Variants in HSPG2 observed in about 807,000 individuals in gnomAD.
The protein encoded by HSPG2 is basement membrane-specific heparan sulfate proteoglycan core protein.
In HSPG2, 278 loss-of-function variants were observed where a neutral mutation model predicts 526.6. That is an observed-to-expected ratio of 0.53 (90% confidence interval 0.48 to 0.58). The LOEUF (loss-of-function observed/expected upper bound fraction) is 0.58, where lower values mean the gene tolerates loss of function less well. Among genes scored for constraint, HSPG2 ranks in the 20% least tolerant of loss-of-function variants. HSPG2 has a pLI of 0.00. For missense variants in HSPG2, 5,354 were observed against 6,099.5 expected (o/e 0.88, Z 4.07); for synonymous variants, 2,465 against 2,555.4 (o/e 0.96, Z 1.07).
At chr1:21,897,762 T>A (rs1288980108) in intron 1 of HSPG2, among the ~76,000 whole-genome samples, 1 of 151,584 alleles carries the variant, frequency 6.6e-6, no homozygotes, top group East Asian at 1.9e-4. Context: ...AGGCTGGGGG[T>A]GACTGGGAAG....
chr1:21,917,080 C>T (rs943210107), intron 1 of HSPG2, among the ~76,000 whole-genome samples: 7 of 152,214 alleles, frequency 4.6e-5, no homozygotes, highest in Non-Finnish European at 8.8e-5. Flanking sequence ...AGTTATCACA[C>T]GCTGACCAGA....
In HSPG2 at chr1:21,857,168, G is replaced by T. The variant is rs757423252; in HGVS notation, c.5422C>A (p.Arg1808Ser). ...KSPAYTLVWT[R>S]LHNGKLPTRA... ...GTGGGCAGTTTCCCGTTGTGCAGGC[G>T]GGTCCACACCAGGGTATAGGCTGGG... The change falls in exon 44 of 97, where the codon CGC becomes AGC. Residue 1808 changes from arginine to serine, a missense_variant. Physicochemically the swap from Arg to Ser is moderately radical, Grantham distance 110. Transcript: ENST00000374695. The T allele has an allele frequency of 6.2e-7, 1 of 1,614,102 alleles. No homozygotes were observed. The highest frequency in any genetic ancestry group is 2.2e-5 in the East Asian group (1 of 44,874).
intron 16 of HSPG2, 36 bp downstream of exon 16, chr1:21,880,327 G>A: frequency 1.9e-6 from 3 of 1,614,008 alleles, no homozygotes; most frequent in Non-Finnish European, 2.5e-6. Context: ...TCCTTGCTAG[G>A]GTCTCTGTGG....
At chr1:21,846,752 C>A (rs1199548004) in intron 62 of HSPG2, among the ~76,000 whole-genome samples, 153 bp from the exon 63 acceptor site, 1 of 152,204 alleles carries the variant, frequency 6.6e-6, no homozygotes, top group Admixed American at 6.5e-5. Context: ...GTAATCCCAG[C>A]ACTTTGGGAG....
chr1:21,839,661 C>G lies in HSPG2; in HGVS notation c.9710-111G>C, dbSNP rs2098040865. 3.5e-6 allele frequency: 5 copies of G among 1,427,320 alleles called. No homozygotes were observed. The highest frequency in any genetic ancestry group is 1.9e-5 in the Admixed American group (1 of 52,012). 88.4% of individuals were successfully genotyped at this position (1,427,320 alleles called of 1,614,324 possible). A position where few individuals can be genotyped will look rare whatever the true frequency, so the allele number is the denominator to read the frequency against. On this transcript the variant is annotated intron_variant, in intron 72 of 96. Coordinates refer to ENST00000374695, the MANE Select transcript of HSPG2 (RefSeq NM_005529.7). The surrounding 1 kb of genome is among the most constrained non-coding windows in gnomAD (Gnocchi z 4.5). ...GTGATCCTGTCCCTCTATGGGGACCCCAGTTGGGTTCCTCGGCCATCACTG... is the reference window on the plus strand; with the variant it reads ...GTGATCCTGTCCCTCTATGGGGACCGCAGTTGGGTTCCTCGGCCATCACTG...
chr1:21,890,293 A>G lies in HSPG2; in HGVS notation c.413+134T>C. The G allele has an allele frequency of 2.4e-6, 3 of 1,265,582 alleles. No homozygotes were observed. Among genetic ancestry groups the G allele is most frequent in the Non-Finnish European group, 3.4e-6 (3 of 870,998 alleles). 78.4% of individuals were successfully genotyped at this position (1,265,582 alleles called of 1,614,324 possible). On this transcript the variant is annotated intron_variant, in intron 5 of 96. Coordinates refer to ENST00000374695, the MANE Select transcript of HSPG2 (RefSeq NM_005529.7). The surrounding 1 kb of genome is among the most constrained non-coding windows in gnomAD (Gnocchi z 4.1). The stretch of plus-strand genomic sequence containing the variant: ...AAAGGTCCCAATGATCCCCCGACCA[A>G]TTCCTGAATTTCCACCCACAGCGAC...
chr1:21,827,672 G>T (rs1208331455), intron 91 of HSPG2, among the ~76,000 whole-genome samples, 191 bp downstream of exon 91: 3 of 152,196 alleles, frequency 2.0e-5, no homozygotes, highest in African/African-American at 7.2e-5. Flanking sequence ...TCAAAGGCCT[G>T]CCCAAGGTCA....
chr1:21,828,338 T>C lies in HSPG2; in HGVS notation c.12326A>G (p.Glu4109Gly), dbSNP rs2097985965. The change falls in exon 89 of 97, where the codon GAG (glutamate) becomes GGG (glycine). Residue 4109 changes from glutamate to glycine, a missense_variant. Transcript: ENST00000374695. This position sits in a 1 kb window ranked among gnomAD's most constrained non-coding sequence, Gnocchi z 6.0. Reference sequence around the variant, plus strand: ...GGCACCATGTTGGCAAGGCTGGCGCTCACATGGGGAGCTATCATAGCATTG... The same window carrying C: ...GGCACCATGTTGGCAAGGCTGGCGCCCACATGGGGAGCTATCATAGCATTG... ...IGQCYDSSPCERQPCQHGATC... is the reference protein window; with the variant it reads ...IGQCYDSSPCGRQPCQHGATC... The C allele has an allele frequency of 6.2e-7, 1 of 1,613,714 alleles. No homozygotes were observed. The highest frequency in any genetic ancestry group is 8.5e-7 in the Non-Finnish European group (1 of 1,180,020).
chr1:21,839,786 G>A lies in HSPG2; in HGVS notation c.9709+36C>T. 1 of 1,607,154 alleles carries A rather than the reference G, an allele frequency of 6.2e-7. No individual in the cohort carries two copies. Among genetic ancestry groups the A allele is most frequent in the Non-Finnish European group, 8.5e-7 (1 of 1,176,734 alleles). ...ACATTTCAGACCCCAGGGCATCCCT[G>A]CCCTGCCAGCCCTATGTGCCAGCCC... On this transcript the variant is annotated intron_variant, in intron 72 of 96. Transcript: ENST00000374695. The surrounding 1 kb of genome is among the most constrained non-coding windows in gnomAD (Gnocchi z 4.5).
intron 87 of HSPG2, 53 bp downstream of exon 87, chr1:21,829,329 AG>A (rs1228874010): frequency 4.5e-6 from 7 of 1,567,062 alleles, no homozygotes; most frequent in African/African-American, 2.7e-5. Context: ...TGAAGAGCCG[AG>A]GGGGGCACAA....
intron 1 of HSPG2, among the ~76,000 whole-genome samples, chr1:21,902,025 G>T (rs1055751604): frequency 1.3e-5 from 2 of 152,138 alleles, no homozygotes; most frequent in Non-Finnish European, 2.9e-5. Context: ...TGCAACCCAG[G>T]CCCCAGACAC....
In HSPG2 at chr1:21,898,215, G is replaced by C. The variant is rs1485979323; in HGVS notation, c.64-1905C>G. Among the ~76,000 whole-genome samples, 1 of 152,180 alleles carries C rather than the reference G, an allele frequency of 6.6e-6. No individual in the cohort carries two copies. The highest frequency in any genetic ancestry group is 2.1e-4 in the South Asian group (1 of 4,828). The stretch of plus-strand genomic sequence containing the variant: ...GTCCTAGGCTGTGAGCTCCCTGGAT[G>C]GGGGAGTGGCTGGGTGCCATTTGTT... On this transcript the variant is annotated intron_variant, in intron 1 of 96. Coordinates refer to ENST00000374695, the MANE Select transcript of HSPG2 (RefSeq NM_005529.7). This position sits in a 1 kb window ranked among gnomAD's most constrained non-coding sequence, Gnocchi z 4.0.
rs367610252 is a variant in HSPG2, at chr1:21,833,840, G to T, written c.10806C>A (p.Pro3602=). Residue 3602 remains proline (P), a synonymous_variant, in exon 78 of 97, where the codon CCC becomes CCA. Coordinates refer to ENST00000374695, the MANE Select transcript of HSPG2 (RefSeq NM_005529.7). Reference sequence around the variant, plus strand: ...CCTTGCTCCAGCTGATGTCAGGAGTGGGGTAGCCTGAGGCTATGCAGGGGA... The same window carrying T: ...CCTTGCTCCAGCTGATGTCAGGAGTTGGGTAGCCTGAGGCTATGCAGGGGA... ...AVFPCIASGY[P]TPDISWSKLD... The T allele has an allele frequency of 3.4e-5, 54 of 1,602,146 alleles. No individual in the cohort carries two copies. Among genetic ancestry groups the T allele is most frequent in the East Asian group, 2.3e-4 (10 of 44,316 alleles).
intron 1 of HSPG2, among the ~76,000 whole-genome samples, chr1:21,903,882 G>T (rs571814923): frequency 6.6e-6 from 1 of 152,304 alleles, no homozygotes; most frequent in East Asian, 1.9e-4. Flanking sequence ...ACCACCAGCC[G>T]GTGGGGCAGA....
intron 13 of HSPG2, among the ~76,000 whole-genome samples, chr1:21,883,662 T>C (rs910535058): frequency 1.1e-4 from 16 of 152,328 alleles, no homozygotes; most frequent in African/African-American, 3.8e-4. Context: ...TTTAGGTTCC[T>C]CAACCAACAA....
chr1:21,852,200 G>A lies in HSPG2; in HGVS notation c.6758C>T (p.Ser2253Phe), dbSNP rs1379442000. 6.2e-7 allele frequency: 1 copy of A among 1,614,114 alleles called. No individual in the cohort carries two copies. The highest frequency in any genetic ancestry group is 1.6e-4 in the Middle Eastern group (1 of 6,062). ...PIPPVRIESS[S>F]STVAEGQTLD... ...GGTCTGGCCCTCGGCCACTGTGGAG[G>A]ATGAAGACTCGATCCTGACAGGTGG... is the stretch of plus-strand genomic sequence containing the variant. The change falls in exon 53 of 97, where the codon TCC becomes TTC. Residue 2253 changes from serine to phenylalanine, a missense_variant. Physicochemically the swap from Ser to Phe is radical, Grantham distance 155. Coordinates refer to ENST00000374695, the MANE Select transcript of HSPG2 (RefSeq NM_005529.7).
rs531974028 is a variant in HSPG2 at position 21,852,874 on chromosome 1, C to T, written c.6592-42G>A. On this transcript the variant is annotated intron_variant, in intron 51 of 96. Transcript: ENST00000374695. ...TGGGTTGGGAGGGGGCTGGAACAGT[C>T]CCATCCAGCCCCTCCAGCAAGGTGG... 7 of 1,611,594 alleles carry T rather than the reference C, an allele frequency of 4.3e-6. No individual in the cohort carries two copies. In the South Asian group the frequency reaches 7.7e-5, roughly 18 times the overall value.
chr1:21,863,068 A>AACAAAAAAAAAAAC (rs1557740478), intron 37 of HSPG2, among the ~76,000 whole-genome samples: 2 of 66,264 alleles, frequency 3.0e-5, no homozygotes, highest in South Asian at 6.7e-4. Context: ...CTCAAAAAAA[A>AACAAAAAAAAAAAC]AAAAAAAAAA....
intron 1 of HSPG2, among the ~76,000 whole-genome samples, chr1:21,919,761 T>G (rs1028601245): frequency 1.3e-5 from 2 of 152,202 alleles, no homozygotes; most frequent in African/African-American, 4.8e-5. Context: ...AAGCTCCCAG[T>G]TGAGGCCCGG....
Sources: allele counts gnomAD v4.1 joint callset (sites outside exome capture counted in the v4.1 genomes callset), GRCh38; gene constraint gnomAD v4.1.1; non-coding constraint Gnocchi (gnomAD v3.1); transcripts MANE v1.5; gene names NCBI Gene and HGNC (gene_info 2026-07-23, HGNC 2026-07-21).